Variants in CCDC60 observed in about 807,000 individuals in gnomAD.
CCDC60 encodes the protein coiled-coil domain-containing protein 60.
A neutral mutation model predicts 63.5 loss-of-function variants in CCDC60; 54 were observed. The ratio of observed to expected loss-of-function variants is 0.85; its 90% CI spans 0.68 to 1.07. The LOEUF (loss-of-function observed/expected upper bound fraction) is 1.07. CCDC60 is among the 50% of genes least tolerant of loss of function. The probability of loss-of-function intolerance (pLI) is 0.00; values close to 1 mark genes in which losing one functional copy is unlikely to be tolerated. For missense variants in CCDC60, 651 were observed against 684.3 expected, an observed-to-expected ratio of 0.95 and a Z score of 0.54; for synonymous variants, 206 against 238.8, an observed-to-expected ratio of 0.86 and a Z score of 1.27.
chr12:119,435,098 T>C (rs1285336524), intron 2 of CCDC60, among the ~76,000 whole-genome samples: 1 of 152,174 alleles, frequency 6.6e-6, no homozygotes, highest in Non-Finnish European at 1.5e-5. Flanking sequence ...GGATTGGATG[T>C]GGGAGCCTAA....
At chr12:119,492,667 G>A (rs568022160) in intron 5 of CCDC60, among the ~76,000 whole-genome samples, 1 of 152,278 alleles carries the variant, frequency 6.6e-6, no homozygotes, top group Admixed American at 6.5e-5. Context: ...ACCCAGATGA[G>A]TCAAAGCTCT....
chr12:119,414,854 C>T (rs1169375157), intron 1 of CCDC60, among the ~76,000 whole-genome samples: 3 of 152,172 alleles, frequency 2.0e-5, no homozygotes, highest in Non-Finnish European at 4.4e-5. Context: ...GGCCTGAAAC[C>T]TAGTTTTAAA....
intron 5 of CCDC60, among the ~76,000 whole-genome samples, chr12:119,491,405 T>C (rs1951580387): frequency 6.6e-6 from 1 of 152,228 alleles, no homozygotes; most frequent in African/African-American, 2.4e-5. Flanking sequence ...CTCGGCTCAC[T>C]GCAACCTCCG....
chr12:119,376,680 G>T lies in CCDC60; in HGVS notation c.90+41414G>T, dbSNP rs537863566. On this transcript the variant is annotated intron_variant, in intron 1 of 13. Transcript: ENST00000327554. ...CTCAGGGGATGGTCCTAAGTACACA[G>T]TGGTAATCTCAGGATGCTGGCTTCG... 3.3e-5 allele frequency among the ~76,000 whole-genome samples: 5 copies of T among 152,218 alleles called. No individual in the cohort carries two copies. The East Asian group carries it at 9.7e-4, about 29-fold the overall frequency.
chr12:119,387,236 A>G (rs1956077778), intron 1 of CCDC60, among the ~76,000 whole-genome samples: 1 of 152,146 alleles, frequency 6.6e-6, no homozygotes, highest in African/African-American at 2.4e-5. Flanking sequence ...CATGAAAATC[A>G]TTTGAGGATC....
chr12:119,478,367 C>G (rs1030082534), intron 3 of CCDC60, among the ~76,000 whole-genome samples: 2 of 151,648 alleles, frequency 1.3e-5, no homozygotes, highest in African/African-American at 4.8e-5. Flanking sequence ...ACCACCCCCC[C>G]CCAAAAAAAA....
chr12:119,402,212 A>C (rs577250577), intron 1 of CCDC60: 1 of 152,318 alleles, frequency 6.6e-6, no homozygotes, highest in South Asian at 2.1e-4. Context: ...GCACACAAGG[A>C]AACTGAGGCT....
intron 2 of CCDC60, among the ~76,000 whole-genome samples, chr12:119,438,680 CT>C (rs1319091680): frequency 6.6e-6 from 1 of 152,136 alleles, no homozygotes; most frequent in Non-Finnish European, 1.5e-5. Flanking sequence ...AAGTCACTGT[CT>C]TTTTTATGCT....
chr12:119,360,663 G>A (rs1955776824), intron 1 of CCDC60, among the ~76,000 whole-genome samples: 1 of 151,878 alleles, frequency 6.6e-6, no homozygotes, highest in African/African-American at 2.4e-5. Flanking sequence ...GGGCGGCGGG[G>A]CAGAGACACT....
At chr12:119,341,759 A>G (rs995868958) in intron 1 of CCDC60, among the ~76,000 whole-genome samples, 22 of 152,220 alleles carry the variant, frequency 1.4e-4, no homozygotes, top group Non-Finnish European at 4.4e-5. Flanking sequence ...GTCCATCATT[A>G]ATGAGGCCAG....
rs1255803383 is a variant in CCDC60, at chr12:119,428,663, AC to A, written c.91-16del. On this transcript the variant is annotated intron_variant, in intron 1 of 13. Transcript: ENST00000327554. ...TTGTATTAACACTCCTTTTATTTTA[AC>A]CCCTTGTCTTCTCATCAGGTCCCAG... 6.6e-7 allele frequency: 1 copy of A among 1,517,210 alleles called. No homozygotes were observed. The highest frequency in any genetic ancestry group is 9.1e-7 in the Non-Finnish European group (1 of 1,103,224). The allele number at this position is 1,517,210 out of a possible 1,614,324, so 94.0% of individuals were successfully genotyped here. A position where few individuals can be genotyped will look rare whatever the true frequency, so the allele number is the denominator to read the frequency against.
intron 1 of CCDC60, among the ~76,000 whole-genome samples, chr12:119,358,402 T>A (rs1030187443): frequency 1.6e-4 from 25 of 152,130 alleles, no homozygotes; most frequent in African/African-American, 6.0e-4. Flanking sequence ...CCTTCCACCA[T>A]GGGATGACAC....
intron 2 of CCDC60, among the ~76,000 whole-genome samples, chr12:119,468,384 T>A (rs2136319813): frequency 6.6e-6 from 1 of 152,368 alleles, no homozygotes; most frequent in East Asian, 1.9e-4. Flanking sequence ...CCCACTCATT[T>A]GCTTTTGCAC....
At chr12:119,473,569 C>T (rs1951111508) in intron 3 of CCDC60, among the ~76,000 whole-genome samples, 1 of 152,172 alleles carries the variant, frequency 6.6e-6, no homozygotes, top group Admixed American at 6.5e-5. Context: ...GCAGTGTGCA[C>T]TGTACCCAAT....
At chr12:119,521,247 C>T (rs1286746553) in intron 9 of CCDC60, among the ~76,000 whole-genome samples, 1 of 152,142 alleles carries the variant, frequency 6.6e-6, no homozygotes, top group Non-Finnish European at 1.5e-5. Flanking sequence ...AGGCAAATAC[C>T]TGCAATTTCC....
chr12:119,538,043 C>T (rs1490027442), intron 13 of CCDC60, among the ~76,000 whole-genome samples: 1 of 152,234 alleles, frequency 6.6e-6, no homozygotes, highest in African/African-American at 2.4e-5. Flanking sequence ...ACAGAGGCAA[C>T]AGGCCTTGCT....
chr12:119,509,557 T>G (rs2136449606), intron 7 of CCDC60, among the ~76,000 whole-genome samples: 1 of 152,292 alleles, frequency 6.6e-6, no homozygotes, highest in South Asian at 2.1e-4. Flanking sequence ...TCCACAGTCT[T>G]CATCACTCCC....
rs545251595 is a variant in CCDC60 at position 119,416,823 on chromosome 12, T to TTA, written c.91-11857_91-11856dup. ...TGGGCCAGGATTTAGAATGGAGTCT[T>TTA]TATAAAGAGATTCCCGGCCGGTCGA... is the stretch of plus-strand genomic sequence containing the variant. On this transcript the variant is annotated intron_variant, in intron 1 of 13. Transcript: ENST00000327554. Among the ~76,000 whole-genome samples the TTA allele has an allele frequency of 3.2e-4, 49 of 152,240 alleles. 1 individual carries two copies. The East Asian group carries it at 3.9e-3, about 12-fold the overall frequency.
At chr12:119,480,859 GTCATCATCACCATCACCA>G (rs2136350127) in intron 4 of CCDC60, among the ~76,000 whole-genome samples, 2 of 51,634 alleles carry the variant, frequency 3.9e-5, no homozygotes, top group South Asian at 1.4e-3. Flanking sequence ...CATCATCACT[GTCATCATCACCATCACCA>G]TCATCATCAC....
Sources: allele counts gnomAD v4.1 joint callset (sites outside exome capture counted in the v4.1 genomes callset), GRCh38; gene constraint gnomAD v4.1.1; transcripts MANE v1.5; gene names NCBI Gene and HGNC (gene_info 2026-07-23, HGNC 2026-07-21).